Variants in ANKRD28 observed in about 807,000 individuals in gnomAD.
ANKRD28 encodes the protein serine/threonine-protein phosphatase 6 regulatory ankyrin repeat subunit A.
A neutral mutation model predicts 126.5 loss-of-function variants in ANKRD28; 44 were observed. The ratio of observed to expected loss-of-function variants is 0.35; its 90% CI spans 0.27 to 0.45. The LOEUF (loss-of-function observed/expected upper bound fraction) is 0.45, where lower values mean the gene tolerates loss of function less well. ANKRD28 is among the 20% of genes least tolerant of loss of function. The pLI is 1.00. For missense variants in ANKRD28, 1,110 were observed against 1,316.6 expected (o/e 0.84, Z 2.43); for synonymous variants, 442 against 468.5 (o/e 0.94, Z 0.73).
intron 6 of ANKRD28, among the ~76,000 whole-genome samples, chr3:15,735,152 T>C (rs1047738690): frequency 6.6e-6 from 1 of 152,146 alleles, no homozygotes; most frequent in Non-Finnish European, 1.5e-5. Context: ...TCCTAAATTA[T>C]GTATTCCAGG....
chr3:15,784,749 T>C (rs2059696407), intron 2 of ANKRD28, among the ~76,000 whole-genome samples: 1 of 152,134 alleles, frequency 6.6e-6, no homozygotes, highest in South Asian at 2.1e-4. Context: ...TCCAAGTATA[T>C]ATTGTCTGTA....
intron 26 of ANKRD28, chr3:15,676,767 T>A (rs1221275076): frequency 2.4e-6 from 1 of 420,876 alleles, no homozygotes; most frequent in East Asian, 4.1e-5. Context: ...GTCAATGTTA[T>A]AATAAAATTT....
chr3:15,797,644 C>T lies in ANKRD28; in HGVS notation c.-1123G>A. 1.2e-5 allele frequency: 12 copies of T among 985,154 alleles called. No homozygotes were observed. The highest frequency in any genetic ancestry group is 1.4e-5 in the Non-Finnish European group (12 of 829,888). The allele number at this position is 985,154 out of a possible 1,614,324, so 61.0% of individuals were successfully genotyped here. A position where few individuals can be genotyped will look rare whatever the true frequency, so the allele number is the denominator to read the frequency against. ...CCACATGAATACAGCTTCCATTAAA[C>T]AGTCTTCATTCAGAGAAAAAAATAG... On this transcript the variant is annotated 5_prime_UTR_variant, in exon 1 of 28. Coordinates refer to ENST00000683139, the MANE Select transcript of ANKRD28 (RefSeq NM_001349278.2).
intron 1 of ANKRD28, among the ~76,000 whole-genome samples, chr3:15,823,351 A>G (rs1025534842): frequency 6.6e-6 from 1 of 152,232 alleles, no homozygotes; most frequent in Non-Finnish European, 1.5e-5. Flanking sequence ...GCCGTGGACC[A>G]TCTGTGGCCT....
chr3:15,698,486 A>G (rs2070025936), intron 14 of ANKRD28, among the ~76,000 whole-genome samples: 1 of 152,216 alleles, frequency 6.6e-6, no homozygotes, highest in Non-Finnish European at 1.5e-5. Flanking sequence ...TATATTTAGA[A>G]AACCCCATCG....
At chr3:15,754,372 G>C (rs2058044524) in intron 3 of ANKRD28, among the ~76,000 whole-genome samples, 1 of 152,086 alleles carries the variant, frequency 6.6e-6, no homozygotes, top group Non-Finnish European at 1.5e-5. Context: ...TTGTGTTCAA[G>C]TAACCCTTAC....
At position 15,804,689 on chromosome 3, in the gene ANKRD28, G is replaced by T. The variant is rs187940489; in HGVS notation, c.28-9383C>A. ...GTTGTAGGATGTGGTCATTGAGGTG[G>T]TTACAGCCAAGTGGAGGTGGTTACA... On this transcript the variant is annotated intron_variant, in intron 1 of 27. Coordinates refer to the ANKRD28 transcript ENST00000399451. Among the ~76,000 whole-genome samples, 71 of 145,604 alleles carry T rather than the reference G, an allele frequency of 4.9e-4. 11 individuals are homozygous for T. The highest frequency in any genetic ancestry group is 1.8e-3 in the African/African-American group (71 of 39,060).
At position 15,835,748 on chromosome 3, in the gene ANKRD28, C is replaced by T. The variant is rs534614201; in HGVS notation, c.27+23629G>A. Among the ~76,000 whole-genome samples the T allele has an allele frequency of 2.6e-5, 4 of 152,248 alleles. No homozygotes were observed. The South Asian group carries it at 6.2e-4, about 24-fold the overall frequency. On this transcript the variant is annotated intron_variant, in intron 1 of 27. Coordinates refer to the ANKRD28 transcript ENST00000399451. ...TTAAGATCATGAGGAATATGATCCCCAATTGAGAAGATGGGAGTAAACTGG... is the reference window on the plus strand; with the variant it reads ...TTAAGATCATGAGGAATATGATCCCTAATTGAGAAGATGGGAGTAAACTGG...
Position 15,838,763 on chromosome 3 carries a change from AT to A in ANKRD28, c.27+20613del, listed in dbSNP as rs1040409804. 2.0e-5 allele frequency among the ~76,000 whole-genome samples: 3 copies of A among 149,430 alleles called. No homozygotes were observed. The highest frequency in any genetic ancestry group is 2.0e-4 in the East Asian group (1 of 5,124). The stretch of plus-strand genomic sequence containing the variant: ...AACTCCGTCTCAAAAAAAAAAAAAA[AT>A]CTTCGCAAGAGAAGTTAAAACGTGT... On this transcript the variant is annotated intron_variant, in intron 1 of 27. Transcript: ENST00000399451. This position sits in a 1 kb window ranked among gnomAD's most constrained non-coding sequence, Gnocchi z 4.0.
chr3:15,780,671 T>C (rs1204484181), intron 2 of ANKRD28, among the ~76,000 whole-genome samples: 2 of 152,128 alleles, frequency 1.3e-5, no homozygotes, highest in Admixed American at 1.3e-4. Context: ...TTTCAAAATA[T>C]ATTATAAAGC....
At position 15,797,060 on chromosome 3, in the gene ANKRD28, C is replaced by T; in HGVS notation, c.-539G>A. 1 of 985,160 alleles carries T rather than the reference C, an allele frequency of 1.0e-6. No individual in the cohort carries two copies. The highest frequency in any genetic ancestry group is 1.2e-6 in the Non-Finnish European group (1 of 829,840). The allele number at this position is 985,160 out of a possible 1,614,324, so 61.0% of individuals were successfully genotyped here. A position where few individuals can be genotyped will look rare whatever the true frequency, so the allele number is the denominator to read the frequency against. Reference sequence around the variant, plus strand: ...AAATAAAATCTCACTATTCTGTTTCCACTTCTAATTTGTCTTCATTTCTTC... The same window carrying T: ...AAATAAAATCTCACTATTCTGTTTCTACTTCTAATTTGTCTTCATTTCTTC... On this transcript the variant is annotated 5_prime_UTR_variant, in exon 1 of 28. Transcript: ENST00000683139.
chr3:15,743,261 T>A (rs2057226464), intron 4 of ANKRD28, among the ~76,000 whole-genome samples: 1 of 152,284 alleles, frequency 6.6e-6, no homozygotes, highest in Non-Finnish European at 1.5e-5. Flanking sequence ...CAGAGACCTT[T>A]GTTCACTTGT....
chr3:15,799,580 A>C (rs187867001), upstream of ANKRD28, among the ~76,000 whole-genome samples: 906 of 152,232 alleles, frequency 6.0e-3, 7 homozygotes, highest in African/African-American at 0.021. Context: ...AAAAAATCTT[A>C]ATATTTGAAA....
intron 8 of ANKRD28, among the ~76,000 whole-genome samples, chr3:15,717,443 C>A (rs1184869571): frequency 6.6e-6 from 1 of 151,910 alleles, no homozygotes; most frequent in Non-Finnish European, 1.5e-5. Context: ...ACAGTTATTT[C>A]TTTCTGAACT....
rs1411946270 is a variant in ANKRD28, at chr3:15,713,602, G to C, written c.1115C>G (p.Pro372Arg). Residue 372 changes from proline (P) to arginine (R), a missense_variant, in exon 10 of 28, where the codon CCT becomes CGT. By Grantham distance (103) the Pro-to-Arg change is moderately radical. Coordinates refer to ENST00000683139, the MANE Select transcript of ANKRD28 (RefSeq NM_001349278.2). ...GCCATACCGTGCTGCTATGTGCAAA[G>C]GGGTATTTCCATTCTTATCCTCACA... ...IDCEDKNGNT[P>R]LHIAARYGHE... 2 of 1,609,996 alleles carry C rather than the reference G, an allele frequency of 1.2e-6. No individual in the cohort carries two copies. The highest frequency in any genetic ancestry group is 1.7e-6 in the Non-Finnish European group (2 of 1,178,638).
rs1301362113 is a variant in ANKRD28 at position 15,812,071 on chromosome 3, T to A, written c.28-16765A>T. Reference sequence around the variant, plus strand: ...AGGAGGCTGAGGTCGGAGAATCGCTTGAACCCAGGAGGCTGAGGTTGCAGT... The same window carrying A: ...AGGAGGCTGAGGTCGGAGAATCGCTAGAACCCAGGAGGCTGAGGTTGCAGT... On this transcript the variant is annotated intron_variant, in intron 1 of 27. Coordinates refer to the ANKRD28 transcript ENST00000399451. This position sits in a 1 kb window ranked among gnomAD's most constrained non-coding sequence, Gnocchi z 4.1. Among the ~76,000 whole-genome samples the A allele has an allele frequency of 6.6e-6, 1 of 151,848 alleles. No individual in the cohort carries two copies. The highest frequency in any genetic ancestry group is 1.5e-5 in the Non-Finnish European group (1 of 67,926).
chr3:15,784,636 T>G (rs957820409), intron 2 of ANKRD28, among the ~76,000 whole-genome samples: 4 of 135,108 alleles, frequency 3.0e-5, no homozygotes, highest in Admixed American at 7.5e-5. Context: ...GTAACAAAAA[T>G]GATAAACAGT....
intron 1 of ANKRD28, among the ~76,000 whole-genome samples, chr3:15,840,266 A>C (rs551875732): frequency 1.2e-4 from 18 of 152,350 alleles, no homozygotes; most frequent in South Asian, 1.0e-3. Flanking sequence ...ACAATCTGAA[A>C]AAGAAATCAA....
chr3:15,687,426 T>C (rs975572452), intron 18 of ANKRD28, among the ~76,000 whole-genome samples: 2 of 152,052 alleles, frequency 1.3e-5, no homozygotes, highest in Non-Finnish European at 2.9e-5. Context: ...AGGGTACAAG[T>C]AGAAGTAGTC....
Sources: allele counts gnomAD v4.1 joint callset (sites outside exome capture counted in the v4.1 genomes callset), GRCh38; gene constraint gnomAD v4.1.1; non-coding constraint Gnocchi (gnomAD v3.1); transcripts MANE v1.5; gene names NCBI Gene and HGNC (gene_info 2026-07-23, HGNC 2026-07-21).